The following PPRC1 variants were observed in gnomAD, a reference collection of about 807,000 sequenced individuals.
PPRC1 encodes the protein PPARG related coactivator 1.
A neutral mutation model predicts 132.5 loss-of-function variants in PPRC1; 23 were observed. The ratio of observed to expected loss-of-function variants is 0.17; its 90% CI spans 0.12 to 0.25. The LOEUF is 0.25. Ranked by LOEUF, PPRC1 falls within the 10% of genes least tolerant of loss-of-function variation. PPRC1 has a pLI of 1.00. For synonymous variants in PPRC1, 872 were observed against 833.5 expected, an observed-to-expected ratio of 1.05 and a Z score of -0.80; for missense variants, 2,006 against 2,089.1, an observed-to-expected ratio of 0.96 and a Z score of 0.78.
intron 5 of PPRC1, 122 bp downstream of exon 5, chr10:102,142,126 ATT>A: frequency 8.3e-7 from 1 of 1,201,634 alleles, no homozygotes; most frequent in Non-Finnish European, 1.1e-6. Flanking sequence ...TTTTGTTTTT[ATT>A]TTGAGATGGA....
At position 102,139,275 on chromosome 10, in the gene PPRC1, G is replaced by A; in HGVS notation, c.767G>A (p.Ser256Asn). 1 of 1,614,198 alleles carries A rather than the reference G, an allele frequency of 6.2e-7. No individual in the cohort carries two copies. Among genetic ancestry groups the A allele is most frequent in the Non-Finnish European group, 8.5e-7 (1 of 1,180,026 alleles). Residue 256 changes from serine to asparagine, a missense_variant, in exon 5 of 14, where the codon AGT (serine) becomes AAT (asparagine). Transcript: ENST00000278070. ...GAAGAGGAGGAGGTGGCCAGCTTCAGTGGCCAGATTCTTGCCGGGGAGCTT... is the reference window on the plus strand; with the variant it reads ...GAAGAGGAGGAGGTGGCCAGCTTCAATGGCCAGATTCTTGCCGGGGAGCTT... ...GEEEEEVASFSGQILAGELDN... is the reference protein window; with the variant it reads ...GEEEEEVASFNGQILAGELDN...
chr10:102,144,456 A>G (rs1289621972), intron 7 of PPRC1, 149 bp downstream of exon 7: 7 of 727,884 alleles, frequency 9.6e-6, no homozygotes, highest in Middle Eastern at 3.9e-4. Context: ...TACTCTGCCT[A>G]TCACTACCGG....
chr10:102,127,678 T>A, the PPRC1 span, among the ~76,000 whole-genome samples: 1 of 152,110 alleles, frequency 6.6e-6, no homozygotes, highest in African/African-American at 2.4e-5. Flanking sequence ...AGTGCTGGGA[T>A]TACAGGCGAG....
chr10:102,146,862 T>C lies in PPRC1; in HGVS notation c.3870T>C (p.His1290=), dbSNP rs764210231. ...QEGVHGPSRV[H]VGSGDHDYCV... is the part of the protein sequence containing the mutation. ...GGGTCCATGGCCCTAGTCGAGTCCA[T>C]GTGGGCTCTGGGGACCATGACTATT... The change falls in exon 9 of 14, where the codon CAT becomes CAC. Residue 1290 remains histidine, a synonymous_variant. Coordinates refer to ENST00000278070, the MANE Select transcript of PPRC1 (RefSeq NM_015062.5). 7.4e-6 allele frequency: 12 copies of C among 1,614,042 alleles called. No homozygotes were observed. The highest frequency in any genetic ancestry group is 1.1e-5 in the South Asian group (1 of 91,070).
chr10:102,120,384 T>TGTGCGC, the PPRC1 span: 6 of 983,968 alleles, frequency 6.1e-6, no homozygotes, highest in South Asian at 4.7e-5. Flanking sequence ...TGTGTGCGTG[T>TGTGCGC]GTGCGCGTGT....
Position 102,140,037 on chromosome 10 carries a change from A to G in PPRC1, c.1529A>G (p.Lys510Arg). Residue 510 changes from lysine (K) to arginine (R), a missense_variant, in exon 5 of 14, where the codon AAA becomes AGA. By Grantham distance (26) the Lys-to-Arg change is conservative (BLOSUM62 2). Transcript: ENST00000278070. ...LQKQPQEELQKESGPLQGKGK... is the reference protein window; with the variant it reads ...LQKQPQEELQRESGPLQGKGK... ...AAACAGCCTCAGGAAGAACTTCAAA[A>G]AGAGTCTGGGCCTCTCCAGGGTAAG... The G allele has an allele frequency of 6.2e-7, 1 of 1,614,198 alleles. No homozygotes were observed. The highest frequency in any genetic ancestry group is 1.3e-5 in the African/African-American group (1 of 75,068).
chr10:102,130,429 A>AC (rs911269376), upstream of PPRC1, among the ~76,000 whole-genome samples: 29 of 144,072 alleles, frequency 2.0e-4, 1 homozygote, highest in South Asian at 3.3e-3. Context: ...AAAAAAAAAA[A>AC]AAAAAAAAAA....
the PPRC1 span, among the ~76,000 whole-genome samples, chr10:102,122,933 GA>G: frequency 2.0e-5 from 3 of 152,192 alleles, no homozygotes; most frequent in Admixed American, 6.5e-5. Context: ...GAACAAGTAG[GA>G]AAACTGAAGT....
At chr10:102,131,654 A>G (rs74233249), upstream of PPRC1, among the ~76,000 whole-genome samples, 2,753 of 152,122 alleles carry the variant, frequency 0.018, 137 homozygotes, top group East Asian at 0.17. Flanking sequence ...AACTGTAAAC[A>G]ACTTAAATAT....
Position 102,150,168 on chromosome 10 carries a change from A to C in PPRC1, c.*139A>C. 1.6e-6 allele frequency: 1 copy of C among 636,256 alleles called. No individual in the cohort carries two copies. Among genetic ancestry groups the C allele is most frequent in the Non-Finnish European group, 2.7e-6 (1 of 365,124 alleles). The allele number at this position is 636,256 out of a possible 1,614,324, so 39.4% of individuals were successfully genotyped here. On this transcript the variant is annotated 3_prime_UTR_variant, in exon 14 of 14. Coordinates refer to ENST00000278070, the MANE Select transcript of PPRC1 (RefSeq NM_015062.5). ...AATGGAAAAAAGTGAAATAAAAAAT[A>C]TGTTGAATCAGATTTTTTAAAAGGG...
rs2068826302 is a variant in PPRC1, at chr10:102,138,900, T to C, written c.511T>C (p.Ser171Pro). ...GSSLHKLLTL[S>P]RTPPERDLIT... Reference sequence around the variant, plus strand: ...TTAGCTGCACAAGCTGCTTACTCTCTCTCGGACACCCCCAGAACGTGACCT... The same window carrying C: ...TTAGCTGCACAAGCTGCTTACTCTCCCTCGGACACCCCCAGAACGTGACCT... The change falls in exon 4 of 14, where the codon TCT becomes CCT. Residue 171 changes from serine to proline, a missense_variant. Physicochemically the swap from Ser to Pro is moderately conservative, Grantham distance 74 (BLOSUM62 -1). Around this residue, in one of 2 missense-constraint regions of PPRC1, gnomAD observed 1,914 missense variants for 1,917.2 expected, o/e 1.00. Transcript: ENST00000278070. 6.2e-7 allele frequency: 1 copy of C among 1,613,980 alleles called. No homozygotes were observed. Among genetic ancestry groups the C allele is most frequent in the African/African-American group, 1.3e-5 (1 of 74,876 alleles).
upstream of PPRC1, among the ~76,000 whole-genome samples, chr10:102,130,972 C>G (rs2068530345): frequency 6.6e-6 from 1 of 151,902 alleles, no homozygotes; most frequent in Non-Finnish European, 1.5e-5. Context: ...GCAGGCAAAT[C>G]ACGAGGTCAA....
chr10:102,140,588 A>C lies in PPRC1; in HGVS notation c.2080A>C (p.Arg694=). 6.2e-7 allele frequency: 1 copy of C among 1,614,054 alleles called. No individual in the cohort carries two copies. The highest frequency in any genetic ancestry group is 1.1e-5 in the South Asian group (1 of 91,080). ...AGTTAAGTCCAGACCAACTGATCCCAGACGTGGTGCAGTGTCATCAGCCCT... is the reference window on the plus strand; with the variant it reads ...AGTTAAGTCCAGACCAACTGATCCCCGACGTGGTGCAGTGTCATCAGCCCT... ...VLVKSRPTDP[R]RGAVSSALGG... The change falls in exon 5 of 14, where the codon AGA becomes CGA. Residue 694 remains arginine (R), a synonymous_variant. Transcript: ENST00000278070.
chr10:102,137,818 T>A, intron 1 of PPRC1, 32 bp from the exon 2 acceptor site: 1 of 1,602,710 alleles, frequency 6.2e-7, no homozygotes, highest in African/African-American at 1.3e-5. Context: ...GCCAGAGAGC[T>A]CATACCCTTC....
the PPRC1 span, chr10:102,120,436 C>G: frequency 2.1e-6 from 2 of 974,934 alleles, no homozygotes; most frequent in Non-Finnish European, 1.2e-6. Flanking sequence ...TCGCCGAGCG[C>G]CCCCCTCTCC....
At chr10:102,132,208 C>G (rs11819083), upstream of PPRC1, among the ~76,000 whole-genome samples, 13,740 of 152,212 alleles carry the variant, frequency 0.09, 860 homozygotes, top group African/African-American at 0.18. Context: ...TTTTTTTCCT[C>G]TAAACAGTCT....
chr10:102,132,885 A>T, upstream of PPRC1: 1 of 843,640 alleles, frequency 1.2e-6, no homozygotes, highest in Non-Finnish European at 1.6e-6. Context: ...TAAAGGGACT[A>T]CTACTCCCAG....
chr10:102,123,524 C>T, the PPRC1 span, among the ~76,000 whole-genome samples: 1 of 152,226 alleles, frequency 6.6e-6, no homozygotes, highest in African/African-American at 2.4e-5. Flanking sequence ...ATTCACATAA[C>T]ATAAAATTAA....
Position 102,138,951 on chromosome 10 carries a change from C to T in PPRC1, c.562C>T (p.Pro188Ser), listed in dbSNP as rs758728967. The change falls in exon 4 of 14, where the codon CCC (proline) becomes TCC (serine). Residue 188 changes from proline (P) to serine (S), a missense_variant. Around this residue, in one of 2 missense-constraint regions of PPRC1, gnomAD observed 1,914 missense variants for 1,917.2 expected, o/e 1.00. Coordinates refer to ENST00000278070, the MANE Select transcript of PPRC1 (RefSeq NM_015062.5). The part of the protein sequence containing the change: ...DLITPVDPLG[P>S]STGSSRGSGV... ...CATCACCCCAGTTGACCCACTGGGG[C>T]CCAGTACAGGCAGCAGTAGAGGGAG... The T allele has an allele frequency of 5.6e-6, 9 of 1,613,892 alleles. No homozygotes were observed. Among genetic ancestry groups the T allele is most frequent in the Non-Finnish European group, 6.8e-6 (8 of 1,179,880 alleles).
Sources: allele counts gnomAD v4.1 joint callset (sites outside exome capture counted in the v4.1 genomes callset), GRCh38; gene constraint gnomAD v4.1.1; regional missense constraint gnomAD v4.1.1; transcripts MANE v1.5; gene names NCBI Gene and HGNC (gene_info 2026-07-23, HGNC 2026-07-21).